The following TGOLN2 variants were observed in gnomAD, a reference collection of about 807,000 sequenced individuals.
TGOLN2 encodes trans-golgi network protein 2.
A neutral mutation model predicts 31.3 loss-of-function variants in TGOLN2; 19 were observed. The observed-to-expected ratio is 0.61, with a 90% CI of 0.42 to 0.89. The LOEUF (loss-of-function observed/expected upper bound fraction) is 0.89. Among genes scored for constraint, TGOLN2 ranks in the 40% least tolerant of loss-of-function variants. The pLI is 0.00. For synonymous variants in TGOLN2, 222 were observed against 226.7 expected, an observed-to-expected ratio of 0.98 and a Z score of 0.19; for missense variants, 540 against 559.2, an observed-to-expected ratio of 0.97 and a Z score of 0.35.
Position 85,327,433 on chromosome 2 carries a change from G to T in TGOLN2, c.299C>A (p.Ala100Glu), listed in dbSNP as rs1176768689. The T allele has an allele frequency of 1.1e-5, 18 of 1,612,578 alleles. 3 individuals are homozygous for T. The highest frequency in any genetic ancestry group is 1.5e-5 in the Non-Finnish European group (18 of 1,179,334). The change falls in exon 2 of 4, where the codon GCG becomes GAG. Residue 100 changes from alanine to glutamate, a missense_variant. By Grantham distance (107) the Ala-to-Glu change is moderately radical. Transcript: ENST00000377386. ...TQKDSSNKSG[A>E]EAKTQKGSTS... Reference sequence around the variant, plus strand: ...GCTGCCTTTTTGGGTCTTTGCCTCCGCACCCGACTTGTTGGAGCTGTCTTT... The same window carrying T: ...GCTGCCTTTTTGGGTCTTTGCCTCCTCACCCGACTTGTTGGAGCTGTCTTT...
rs1414411137 is a variant in TGOLN2 at position 85,322,020 on chromosome 2, C to G, written c.*716G>C. ...GTACAACTAAGTGGAAGTTGATTCA[C>G]TTTGTCTCAAGCTACATAAAATAAT... On this transcript the variant is annotated 3_prime_UTR_variant, in exon 4 of 4. Transcript: ENST00000377386. 1 of 152,282 alleles carries G rather than the reference C, an allele frequency of 6.6e-6. No homozygotes were observed. Among genetic ancestry groups the G allele is most frequent in the African/African-American group, 2.4e-5 (1 of 41,466 alleles). The allele number at this position is 152,282 out of a possible 1,614,324, so 9.4% of individuals were successfully genotyped here.
chr2:85,325,974 AG>A (rs1682714758), intron 2 of TGOLN2, among the ~76,000 whole-genome samples: 3 of 152,306 alleles, frequency 2.0e-5, no homozygotes, highest in African/African-American at 7.2e-5. Context: ...AAAAAGTAAC[AG>A]GTGTACGTGT....
Position 85,327,235 on chromosome 2 carries a change from C to G in TGOLN2, c.497G>C (p.Ser166Thr). The G allele has an allele frequency of 6.2e-7, 1 of 1,608,346 alleles. No individual in the cohort carries two copies. The highest frequency in any genetic ancestry group is 8.5e-7 in the Non-Finnish European group (1 of 1,178,516). Residue 166 changes from serine to threonine, a missense_variant, in exon 2 of 4, where the codon AGC (serine) becomes ACC (threonine). Ser to Thr is a moderately conservative substitution (Grantham distance 58, BLOSUM62 1). Coordinates refer to ENST00000377386, the MANE Select transcript of TGOLN2 (RefSeq NM_006464.4). ...GGTCTGCGCCTCCGAACCTGACTTG[C>G]TAGGGCTGTCTTTTTGGGTCTTTGC... The part of the protein sequence containing the change: ...AEAKTQKDSP[S>T]KSGSEAQTTK...
rs1197380133 is a variant in TGOLN2 at position 85,320,373 on chromosome 2, G to C, written c.*2363C>G. 3.9e-5 allele frequency: 6 copies of C among 152,146 alleles called. No individual in the cohort carries two copies. Among genetic ancestry groups the C allele is most frequent in the Admixed American group, 3.3e-4 (5 of 15,276 alleles). The allele number at this position is 152,146 out of a possible 1,614,324, so 9.4% of individuals were successfully genotyped here. A position where few individuals can be genotyped will look rare whatever the true frequency, so the allele number is the denominator to read the frequency against. On this transcript the variant is annotated 3_prime_UTR_variant, in exon 4 of 4. Transcript: ENST00000377386. The stretch of plus-strand genomic sequence containing the variant: ...GTGGATCTGAAAAAACAAAATCCAA[G>C]AGAGAAGCAAAATGGGCTGGGGGTG...
At position 85,318,902 on chromosome 2, in the gene TGOLN2, T is replaced by G. The variant is rs114623387; in HGVS notation, c.*3834A>C. 1.5e-4 allele frequency: 23 copies of G among 152,314 alleles called. No individual in the cohort carries two copies. Among genetic ancestry groups the G allele is most frequent in the African/African-American group, 4.3e-4 (18 of 41,564 alleles). 9.4% of individuals were successfully genotyped at this position (152,314 alleles called of 1,614,324 possible). On this transcript the variant is annotated 3_prime_UTR_variant, in exon 4 of 4. Transcript: ENST00000377386. Reference sequence around the variant, plus strand: ...AGGAAAACTGCTTCCTCTATTAACATCTATGACTGAAGCACAGATGTGTCT... The same window carrying G: ...AGGAAAACTGCTTCCTCTATTAACAGCTATGACTGAAGCACAGATGTGTCT...
chr2:85,319,785 G>C lies in TGOLN2; in HGVS notation c.*2951C>G, dbSNP rs1030859067. On this transcript the variant is annotated 3_prime_UTR_variant, in exon 4 of 4. Transcript: ENST00000377386. ...CTCTGCCAGAAGGAACTGAACTCTG[G>C]AAGTCCTAAGGAAGGTCACCATGAT... 6.6e-6 allele frequency: 1 copy of C among 152,220 alleles called. No homozygotes were observed. Among genetic ancestry groups the C allele is most frequent in the Non-Finnish European group, 1.5e-5 (1 of 68,060 alleles). 9.4% of individuals were successfully genotyped at this position (152,220 alleles called of 1,614,324 possible). A position where few individuals can be genotyped will look rare whatever the true frequency, so the allele number is the denominator to read the frequency against.
chr2:85,325,024 T>G, intron 2 of TGOLN2, 26 bp from the exon 3 acceptor site: 1 of 1,548,466 alleles, frequency 6.5e-7, no homozygotes, highest in Non-Finnish European at 8.7e-7. Context: ...AGAAAATGAT[T>G]AACAGGTGGC....
rs768679245 is a variant in TGOLN2 at position 85,327,625 on chromosome 2, G to A, written c.107C>T (p.Ser36Phe). 1.2e-6 allele frequency: 2 copies of A among 1,614,064 alleles called. No homozygotes were observed. Among genetic ancestry groups the A allele is most frequent in the Non-Finnish European group, 1.7e-6 (2 of 1,179,888 alleles). ...GGGGTGGGTGGAGACGTTTCCTGCA[G>A]AAGGCCGTACTCCAGCTTCTTCTTG... is the stretch of plus-strand genomic sequence containing the variant. ...VKQEEAGVRP[S>F]AGNVSTHPSL... The change falls in exon 2 of 4, where the codon TCT becomes TTT. Residue 36 changes from serine to phenylalanine, a missense_variant. Coordinates refer to ENST00000377386, the MANE Select transcript of TGOLN2 (RefSeq NM_006464.4).
chr2:85,327,505 G>T lies in TGOLN2; in HGVS notation c.227C>A (p.Thr76Asn), dbSNP rs77066144. Residue 76 changes from threonine to asparagine, a missense_variant, in exon 2 of 4, where the codon ACC (threonine) becomes AAC (asparagine). Physicochemically the swap from Thr to Asn is moderately conservative, Grantham distance 65 (BLOSUM62 0). Coordinates refer to ENST00000377386, the MANE Select transcript of TGOLN2 (RefSeq NM_006464.4). ...SPSKSSAEAQTPEDTPNKSGA... is the reference protein window; with the variant it reads ...SPSKSSAEAQNPEDTPNKSGA... ...CGACTTGTTGGGGGTGTCTTCTGGG[G>T]TCTGCGCCTCCGCACTCGACTTGCT... The T allele has an allele frequency of 6.2e-7, 1 of 1,614,006 alleles. No individual in the cohort carries two copies. The highest frequency in any genetic ancestry group is 1.6e-4 in the Middle Eastern group (1 of 6,062).
Position 85,320,300 on chromosome 2 carries a change from C to G in TGOLN2, c.*2436G>C, listed in dbSNP as rs1395761028. 1 of 152,106 alleles carries G rather than the reference C, an allele frequency of 6.6e-6. No homozygotes were observed. Among genetic ancestry groups the G allele is most frequent in the Non-Finnish European group, 1.5e-5 (1 of 68,030 alleles). 9.4% of individuals were successfully genotyped at this position (152,106 alleles called of 1,614,324 possible). On this transcript the variant is annotated 3_prime_UTR_variant, in exon 4 of 4. Coordinates refer to ENST00000377386, the MANE Select transcript of TGOLN2 (RefSeq NM_006464.4). ...AAATATTTTGGAAAGATCAGTCTTT[C>G]CAAGAGTGAGCTCCTTTCCAAGAAG...
At chr2:85,324,421 C>CAA (rs1357489163) in intron 3 of TGOLN2, 7 of 123,976 alleles carry the variant, frequency 5.6e-5, no homozygotes, top group South Asian at 4.5e-4. Flanking sequence ...ACTCCATCTC[C>CAA]AAAAAAAAAA....
Position 85,327,438 on chromosome 2 carries a change from C to T in TGOLN2, c.294G>A (p.Ser98=), listed in dbSNP as rs776621182. 3 of 1,607,662 alleles carry T rather than the reference C, an allele frequency of 1.9e-6. No homozygotes were observed. Among genetic ancestry groups the T allele is most frequent in the Admixed American group, 3.4e-5 (2 of 59,396 alleles). ...CTTTTTGGGTCTTTGCCTCCGCACC[C>T]GACTTGTTGGAGCTGTCTTTTTGGG... is the stretch of plus-strand genomic sequence containing the variant. ...AKTQKDSSNK[S]GAEAKTQKGS... is the part of the protein sequence containing the mutation. Residue 98 remains serine, a synonymous_variant, in exon 2 of 4, where the codon TCG becomes TCA. Coordinates refer to ENST00000377386, the MANE Select transcript of TGOLN2 (RefSeq NM_006464.4).
At chr2:85,323,190 A>G (rs1329354280) in intron 3 of TGOLN2, among the ~76,000 whole-genome samples, 1 of 151,884 alleles carries the variant, frequency 6.6e-6, no homozygotes, top group Admixed American at 6.6e-5. Context: ...CTGATCTAGA[A>G]CTCCTGACCT....
At position 85,322,194 on chromosome 2, in the gene TGOLN2, A is replaced by T. The variant is rs577110666; in HGVS notation, c.*542T>A. 83 of 157,176 alleles carry T rather than the reference A, an allele frequency of 5.3e-4. No homozygotes were observed. The highest frequency in any genetic ancestry group is 2.3e-3 in the Admixed American group (35 of 15,298). 9.7% of individuals were successfully genotyped at this position (157,176 alleles called of 1,614,324 possible). A position where few individuals can be genotyped will look rare whatever the true frequency, so the allele number is the denominator to read the frequency against. ...GCTCTTTGCCCATTGGCATTTCCCC[A>T]TCTTCTATGTCTTCTGTAGGGCACA... is the stretch of plus-strand genomic sequence containing the variant. On this transcript the variant is annotated 3_prime_UTR_variant, in exon 4 of 4. Coordinates refer to ENST00000377386, the MANE Select transcript of TGOLN2 (RefSeq NM_006464.4).
At position 85,327,916 on chromosome 2, in the gene TGOLN2, C is replaced by A; in HGVS notation, c.46+1G>T. 6.2e-7 allele frequency: 1 copy of A among 1,601,358 alleles called. No homozygotes were observed. Among genetic ancestry groups the A allele is most frequent in the African/African-American group, 1.3e-5 (1 of 74,816 alleles). On this transcript the variant is annotated splice_donor_variant, in intron 1 of 3. Coordinates refer to ENST00000377386, the MANE Select transcript of TGOLN2 (RefSeq NM_006464.4). LOFTEE classifies it high-confidence loss of function. ...GTGGGATGCGGGATGGAGGGTCTTA[C>A]CCGCCGCTGCGACGTTCAGGAGGAC... is the stretch of plus-strand genomic sequence containing the variant.
chr2:85,324,005 G>A (rs1682641303), intron 3 of TGOLN2, among the ~76,000 whole-genome samples: 1 of 152,204 alleles, frequency 6.6e-6, no homozygotes, highest in East Asian at 1.9e-4. Flanking sequence ...CTTAAGCCAG[G>A]CTGATGTGGG....
chr2:85,324,036 T>A (rs1682642486), intron 3 of TGOLN2, among the ~76,000 whole-genome samples: 1 of 152,172 alleles, frequency 6.6e-6, no homozygotes, highest in South Asian at 2.1e-4. Context: ...CCTATGTGCT[T>A]CCAGGCTCGT....
chr2:85,326,458 C>T, intron 2 of TGOLN2, 50 bp downstream of exon 2: 1 of 1,580,868 alleles, frequency 6.3e-7, no homozygotes, highest in Non-Finnish European at 8.6e-7. Context: ...ACCCAAGCTT[C>T]CAGGGTGCTG....
intron 3 of TGOLN2, among the ~76,000 whole-genome samples, chr2:85,322,962 G>A (rs190120522): frequency 6.6e-6 from 1 of 152,246 alleles, no homozygotes; most frequent in African/African-American, 2.4e-5. Context: ...TTATTTACAT[G>A]TGTTTTTTGT....
Sources: allele counts gnomAD v4.1 joint callset (sites outside exome capture counted in the v4.1 genomes callset), GRCh38; gene constraint gnomAD v4.1.1; transcripts MANE v1.5; gene names NCBI Gene and HGNC (gene_info 2026-07-23, HGNC 2026-07-21).